MIPOL1: variants seen among roughly 807,000 people sequenced by gnomAD.
MIPOL1 encodes mirror-image polydactyly 1.
A neutral mutation model predicts 60.9 loss-of-function variants in MIPOL1; 57 were observed. The observed-to-expected ratio is 0.94, with a 90% CI of 0.76 to 1.17. The LOEUF (loss-of-function observed/expected upper bound fraction) is 1.17, where lower values mean the gene tolerates loss of function less well. Among genes scored for constraint, MIPOL1 ranks in the 50% most tolerant of loss-of-function variants. The probability of loss-of-function intolerance (pLI) is 0.00; values close to 1 mark genes in which losing one functional copy is unlikely to be tolerated. For missense variants in MIPOL1, 551 were observed against 511.6 expected, an observed-to-expected ratio of 1.08 and a Z score of -0.74; for synonymous variants, 179 against 168.8, an observed-to-expected ratio of 1.06 and a Z score of -0.47.
intron 11 of MIPOL1, among the ~76,000 whole-genome samples, chr14:37,463,756 A>C (rs1174459821): frequency 6.6e-6 from 1 of 152,218 alleles, no homozygotes; most frequent in Non-Finnish European, 1.5e-5. Context: ...AAATAAACAA[A>C]TGGGACTCAA....
intron 9 of MIPOL1, among the ~76,000 whole-genome samples, chr14:37,326,080 A>G (rs2089130547): frequency 6.6e-6 from 1 of 152,144 alleles, no homozygotes; most frequent in South Asian, 2.1e-4. Context: ...TTATCCCTTA[A>G]TTCTTGGGCC....
intron 11 of MIPOL1, among the ~76,000 whole-genome samples, chr14:37,460,048 C>T (rs2094522080): frequency 6.6e-6 from 1 of 151,716 alleles, no homozygotes; most frequent in African/African-American, 2.4e-5. Context: ...CACTGCACTC[C>T]AGCCTGGATG....
chr14:37,321,299 A>G (rs564043636), intron 9 of MIPOL1, among the ~76,000 whole-genome samples: 5 of 152,138 alleles, frequency 3.3e-5, no homozygotes, highest in Non-Finnish European at 7.4e-5. Context: ...TCATTATTAT[A>G]TATGTTGAAA....
intron 11 of MIPOL1, among the ~76,000 whole-genome samples, chr14:37,487,053 G>A (rs1051443664): frequency 2.6e-5 from 4 of 152,096 alleles, no homozygotes; most frequent in African/African-American, 9.7e-5. Context: ...AAGGGGTGTT[G>A]AATTTTGTTG....
rs2091871381 is a variant in MIPOL1 at position 37,356,744 on chromosome 14, CA to C, written c.829-12771del. ...GACCCCTTGCGCTTCCCGAGTGAGGCAATGCCTCGCCCTGCTTCGGCTCACG... is the reference window on the plus strand; with the variant it reads ...GACCCCTTGCGCTTCCCGAGTGAGGCATGCCTCGCCCTGCTTCGGCTCACG... On this transcript the variant is annotated intron_variant, in intron 9 of 12. Transcript: ENST00000684589. Among the ~76,000 whole-genome samples, 3 of 152,314 alleles carry C rather than the reference CA, an allele frequency of 2.0e-5. No homozygotes were observed. In the South Asian group the frequency reaches 6.2e-4, roughly 32 times the overall value.
chr14:37,427,106 T>C (rs2093980609), intron 11 of MIPOL1, among the ~76,000 whole-genome samples: 1 of 152,114 alleles, frequency 6.6e-6, no homozygotes, highest in Non-Finnish European at 1.5e-5. Context: ...GCAGTTACTG[T>C]ACACCGATGT....
intron 2 of MIPOL1, 63 bp from the exon 3 acceptor site, chr14:37,247,766 A>G (rs1973410892): frequency 4.9e-6 from 4 of 813,800 alleles, no homozygotes; most frequent in Non-Finnish European, 7.6e-6. Context: ...AACAAAGGTA[A>G]GATTTAGGTG....
chr14:37,349,226 G>C (rs7155402), intron 9 of MIPOL1, among the ~76,000 whole-genome samples: 148,002 of 152,122 alleles, frequency 0.97, 72,045 homozygotes, highest in East Asian at 1. Flanking sequence ...GACCTCAGGT[G>C]ATCCACCCAC....
At chr14:37,317,958 T>C (rs138702234) in intron 9 of MIPOL1, among the ~76,000 whole-genome samples, 4 of 152,298 alleles carry the variant, frequency 2.6e-5, no homozygotes, top group African/African-American at 9.6e-5. Context: ...TTGTAACAAG[T>C]ATAGAAATTA....
chr14:37,204,480 G>A (rs973337684), intron 1 of MIPOL1, among the ~76,000 whole-genome samples: 2 of 152,040 alleles, frequency 1.3e-5, no homozygotes, highest in African/African-American at 4.8e-5. Context: ...TTGAATCATG[G>A]GTGGTTTCTC....
chr14:37,245,074 A>G (rs1446450465), intron 1 of MIPOL1, among the ~76,000 whole-genome samples: 1 of 152,196 alleles, frequency 6.6e-6, no homozygotes, highest in East Asian at 1.9e-4. Flanking sequence ...CAGGGATTTC[A>G]TATGAAGCCT....
chr14:37,467,175 C>G (rs1056650148), intron 11 of MIPOL1, among the ~76,000 whole-genome samples: 2 of 152,266 alleles, frequency 1.3e-5, no homozygotes, highest in East Asian at 3.9e-4. Context: ...TTAATTTTAT[C>G]TTTATAACCC....
At chr14:37,433,472 T>C (rs1176877889) in intron 11 of MIPOL1, among the ~76,000 whole-genome samples, 4 of 152,098 alleles carry the variant, frequency 2.6e-5, no homozygotes, top group Non-Finnish European at 5.9e-5. Flanking sequence ...CTTGCAGTGT[T>C]TGGTTTTCTG....
At chr14:37,438,943 G>C (rs1314147482) in intron 11 of MIPOL1, among the ~76,000 whole-genome samples, 1 of 152,150 alleles carries the variant, frequency 6.6e-6, no homozygotes, top group African/African-American at 2.4e-5. Flanking sequence ...CTGTGCTGTA[G>C]CACAATCACT....
At chr14:37,430,377 A>T (rs917929224) in intron 11 of MIPOL1, among the ~76,000 whole-genome samples, 2 of 152,066 alleles carry the variant, frequency 1.3e-5, no homozygotes, top group Non-Finnish European at 1.5e-5. Context: ...TTTTTATGCC[A>T]TTAAGTTGTG....
intron 12 of MIPOL1, among the ~76,000 whole-genome samples, chr14:37,529,953 C>T (rs770938143): frequency 2.0e-5 from 3 of 152,012 alleles, no homozygotes; most frequent in East Asian, 1.9e-4. Context: ...AAAGCAGTGG[C>T]GATTACTTGA....
chr14:37,427,617 C>G (rs1253180223), intron 11 of MIPOL1, among the ~76,000 whole-genome samples: 2 of 152,138 alleles, frequency 1.3e-5, no homozygotes, highest in Non-Finnish European at 2.9e-5. Flanking sequence ...AGAGAACACT[C>G]TGTGAGGATA....
At chr14:37,546,361 C>G (rs879924404) in intron 12 of MIPOL1, among the ~76,000 whole-genome samples, 6 of 152,082 alleles carry the variant, frequency 3.9e-5, no homozygotes, top group Non-Finnish European at 8.8e-5. Context: ...TATTTCCATG[C>G]TACTGTAACT....
intron 12 of MIPOL1, among the ~76,000 whole-genome samples, chr14:37,516,392 G>A (rs2095369395): frequency 6.6e-6 from 1 of 152,052 alleles, no homozygotes; most frequent in East Asian, 1.9e-4. Context: ...TTATATTTAT[G>A]CTCAATAATT....
Sources: gnomAD v4.1 joint callset for allele counts (sites outside exome capture counted in the v4.1 genomes callset) on GRCh38, gnomAD v4.1.1 for gene constraint, MANE v1.5 for transcripts, NCBI Gene and HGNC (gene_info 2026-07-23, HGNC 2026-07-21) for gene names.